KCMF1: variants seen among roughly 807,000 people sequenced by gnomAD.
KCMF1 encodes E3 ubiquitin-protein ligase KCMF1.
A neutral mutation model predicts 41.1 loss-of-function variants in KCMF1; 3 were observed. The observed-to-expected ratio is 0.07, with a 90% confidence interval of 0.03 to 0.19. The LOEUF (loss-of-function observed/expected upper bound fraction) is 0.19. Among genes scored for constraint, KCMF1 ranks in the 10% least tolerant of loss-of-function variants. The pLI is 1.00. For synonymous variants in KCMF1, 142 were observed against 164.5 expected (o/e 0.86, Z 1.04); for missense variants, 286 against 488.9 (o/e 0.58, Z 3.91).
At chr2:85,008,263 C>CATATATAATATGATATATAAT (rs1558573264) in intron 1 of KCMF1, among the ~76,000 whole-genome samples, 119 of 68,632 alleles carry the variant, frequency 1.7e-3, no homozygotes, top group African/African-American at 6.0e-3. Flanking sequence ...TATTATATAT[C>CATATATAATATGATATATAAT]ATATATAATA....
intron 1 of KCMF1, among the ~76,000 whole-genome samples, chr2:84,988,171 G>A (rs1241112118): frequency 6.6e-6 from 1 of 152,076 alleles, no homozygotes; most frequent in African/African-American, 2.4e-5. Context: ...GGCAGAGGTT[G>A]CGGTGAGCCA....
intron 6 of KCMF1, among the ~76,000 whole-genome samples, chr2:85,051,163 A>C (rs970842750): frequency 6.6e-6 from 1 of 152,238 alleles, no homozygotes; most frequent in South Asian, 2.1e-4. Context: ...TTATCTCTGC[A>C]AGGTCAGTAA....
chr2:85,008,354 A>ATCATATATAATATATAATG (rs1394581511), intron 1 of KCMF1, among the ~76,000 whole-genome samples: 16 of 56,456 alleles, frequency 2.8e-4, no homozygotes, highest in African/African-American at 1.4e-3. Flanking sequence ...TATAATATAT[A>ATCATATATAATATATAATG]ATATATATTA....
At chr2:84,979,262 C>T (rs879818297) in intron 1 of KCMF1, among the ~76,000 whole-genome samples, 7 of 152,128 alleles carry the variant, frequency 4.6e-5, no homozygotes, top group Non-Finnish European at 1.0e-4. Context: ...GGCGCTGTGG[C>T]TTATGCCTGT....
Position 85,022,091 on chromosome 2 carries a change from A to T in KCMF1, c.17-5798A>T, listed in dbSNP as rs191030220. On this transcript the variant is annotated intron_variant, in intron 1 of 6. Coordinates refer to ENST00000409785, the MANE Select transcript of KCMF1 (RefSeq NM_020122.5). ...CTCGGCCTCCCAAAGTGCTGGGCTT[A>T]CAGGTGTGAGCCACCACGCCCGGCC... Among the ~76,000 whole-genome samples the T allele has an allele frequency of 5.6e-3, 856 of 152,218 alleles. 8 individuals carry two copies. Among genetic ancestry groups the T allele is most frequent in the African/African-American group, 0.019 (804 of 41,518 alleles).
At chr2:85,007,896 G>A (rs748943206) in intron 1 of KCMF1, among the ~76,000 whole-genome samples, 1 of 152,046 alleles carries the variant, frequency 6.6e-6, no homozygotes, top group Non-Finnish European at 1.5e-5. Flanking sequence ...CAAGTAGCTG[G>A]GATTACAGGC....
At chr2:85,013,106 T>A (rs933279268) in intron 1 of KCMF1, among the ~76,000 whole-genome samples, 4 of 152,220 alleles carry the variant, frequency 2.6e-5, no homozygotes, top group African/African-American at 9.6e-5. Context: ...ATCATTTTCA[T>A]ATGTTTGGCT....
chr2:85,026,688 A>G (rs903074573), intron 1 of KCMF1, among the ~76,000 whole-genome samples: 11 of 151,632 alleles, frequency 7.3e-5, no homozygotes, highest in African/African-American at 1.9e-4. Context: ...GGATCTCTCT[A>G]TGTTGCCCAG....
intron 1 of KCMF1, among the ~76,000 whole-genome samples, chr2:85,001,079 A>T (rs901370309): frequency 2.0e-5 from 3 of 150,610 alleles, no homozygotes; most frequent in African/African-American, 7.3e-5. Context: ...TTCCTGCTCC[A>T]CTTCCCAAAG....
At chr2:84,993,548 A>ATTAT (rs148006042) in intron 1 of KCMF1, among the ~76,000 whole-genome samples, 32,474 of 145,952 alleles carry the variant, frequency 0.22, 3,810 homozygotes, top group Non-Finnish European at 0.26. Context: ...CTCTACCCCC[A>ATTAT]TTATTTATTT....
chr2:85,015,674 C>G lies in KCMF1; in HGVS notation c.17-12215C>G, dbSNP rs546272981. ...AAGTTCATAAAGAACTCTTTAAATA[C>G]AATATTTCACCCATTTTTCTATTCA... On this transcript the variant is annotated intron_variant, in intron 1 of 6. Transcript: ENST00000409785. Among the ~76,000 whole-genome samples the G allele has an allele frequency of 3.9e-5, 6 of 152,258 alleles. No individual in the cohort carries two copies. In the South Asian group the frequency reaches 1.0e-3, roughly 26 times the overall value.
chr2:84,979,503 A>T (rs1435222240), intron 1 of KCMF1, among the ~76,000 whole-genome samples: 1 of 144,062 alleles, frequency 6.9e-6, no homozygotes. Flanking sequence ...AGCCTGAGCA[A>T]CAAGAGCGAA....
At chr2:85,014,560 G>A (rs1558575694) in intron 1 of KCMF1, among the ~76,000 whole-genome samples, 1 of 151,106 alleles carries the variant, frequency 6.6e-6, no homozygotes, top group Admixed American at 6.6e-5. Context: ...TCTTTTTTTG[G>A]GAAAGTTGGA....
At chr2:85,027,338 T>C (rs946766252) in intron 1 of KCMF1, among the ~76,000 whole-genome samples, 3 of 151,680 alleles carry the variant, frequency 2.0e-5, no homozygotes, top group Non-Finnish European at 4.4e-5. Context: ...TTCGTCTTGG[T>C]TTTTACCTTC....
chr2:85,056,139 G>A lies in KCMF1; in HGVS notation c.*2730G>A, dbSNP rs926542698. 3 of 151,578 alleles carry A rather than the reference G, an allele frequency of 2.0e-5. No homozygotes were observed. Among genetic ancestry groups the A allele is most frequent in the African/African-American group, 7.3e-5 (3 of 41,250 alleles). The allele number at this position is 151,578 out of a possible 1,614,324, so 9.4% of individuals were successfully genotyped here. On this transcript the variant is annotated 3_prime_UTR_variant, in exon 7 of 7. Coordinates refer to ENST00000409785, the MANE Select transcript of KCMF1 (RefSeq NM_020122.5). ...AAAAAAAAAAAAATCCACAGAAGTA[G>A]AACCTAGGTTTGCTACTAACAAAGT...
chr2:85,027,089 AG>A (rs1042889431), intron 1 of KCMF1, among the ~76,000 whole-genome samples: 17 of 152,074 alleles, frequency 1.1e-4, no homozygotes, highest in African/African-American at 3.9e-4. Flanking sequence ...TTGTGCCCCT[AG>A]GGCAGGGGGC....
rs1240534412 is a variant in KCMF1 at position 85,046,296 on chromosome 2, T to C, written c.601+18T>C. On this transcript the variant is annotated intron_variant, in intron 5 of 6. Coordinates refer to ENST00000409785, the MANE Select transcript of KCMF1 (RefSeq NM_020122.5). ...TATAGCTGGTAAGTTAGTTTCACAT[T>C]AATAAGGGAAATGGCAGGGGAAGGA... 6.3e-7 allele frequency: 1 copy of C among 1,598,546 alleles called. No individual in the cohort carries two copies.
Position 85,053,451 on chromosome 2 carries a change from G to A in KCMF1, c.*42G>A. On this transcript the variant is annotated 3_prime_UTR_variant, in exon 7 of 7. Coordinates refer to ENST00000409785, the MANE Select transcript of KCMF1 (RefSeq NM_020122.5). ...AGACAATGTCCTCTGTGCTGTATTT[G>A]CCAATGAAAGTGGACAACAACTATC... The A allele has an allele frequency of 1.3e-6, 2 of 1,557,106 alleles. No homozygotes were observed. Among genetic ancestry groups the A allele is most frequent in the Non-Finnish European group, 1.7e-6 (2 of 1,150,948 alleles).
intron 1 of KCMF1, among the ~76,000 whole-genome samples, chr2:85,007,143 C>A (rs1255112280): frequency 6.6e-6 from 1 of 151,104 alleles, no homozygotes; most frequent in Non-Finnish European, 1.5e-5. Context: ...ATCTCATCCA[C>A]ATGTCCATAT....
Sources: gnomAD v4.1 joint callset for allele counts (sites outside exome capture counted in the v4.1 genomes callset) on GRCh38, gnomAD v4.1.1 for gene constraint, MANE v1.5 for transcripts, NCBI Gene and HGNC (gene_info 2026-07-23, HGNC 2026-07-21) for gene names.